The following ERBB4 variants were observed in gnomAD, a reference collection of about 807,000 sequenced individuals.
The protein encoded by ERBB4 is erb-b2 receptor tyrosine kinase 4.
A neutral mutation model predicts 158.0 loss-of-function variants in ERBB4; 42 were observed. The observed-to-expected ratio is 0.27, with a 90% CI of 0.21 to 0.34. The LOEUF (loss-of-function observed/expected upper bound fraction) is 0.34. ERBB4 is among the 10% of genes least tolerant of loss of function. The pLI, the probability that ERBB4 is intolerant of heterozygous loss-of-function variation, is 1.00. For missense variants in ERBB4, 1,333 were observed against 1,624.1 expected (o/e 0.82, Z 3.08); for synonymous variants, 583 against 558.7 (o/e 1.04, Z -0.61).
intron 5 of ERBB4, among the ~76,000 whole-genome samples, chr2:211,739,656 A>G (rs772958297): frequency 9.2e-5 from 14 of 152,182 alleles, no homozygotes; most frequent in Non-Finnish European, 1.8e-4. Flanking sequence ...GTTTTGGCAG[A>G]GACAGAGTTT....
intron 1 of ERBB4, among the ~76,000 whole-genome samples, chr2:212,375,435 C>T (rs545735337): frequency 2.0e-5 from 3 of 152,038 alleles, no homozygotes; most frequent in Non-Finnish European, 4.4e-5. Context: ...AATTGTAATG[C>T]AACAATTCTA....
chr2:211,377,729 A>T lies in ERBB4; in HGVS notation c.*5886T>A. The T allele has an allele frequency of 4.3e-6, 1 of 232,508 alleles. No individual in the cohort carries two copies. Among genetic ancestry groups the T allele is most frequent in the Middle Eastern group, 1.3e-3 (1 of 782 alleles). The allele number at this position is 232,508 out of a possible 1,614,324, so 14.4% of individuals were successfully genotyped here. Reference sequence around the variant, plus strand: ...AATAAGTTAATTTACTGGCAAAAATAACTTCTTGGTTATATGTACAGCTTT... The same window carrying T: ...AATAAGTTAATTTACTGGCAAAAATTACTTCTTGGTTATATGTACAGCTTT... On this transcript the variant is annotated 3_prime_UTR_variant, in exon 28 of 28. Transcript: ENST00000342788.
At chr2:211,544,503 C>A (rs759699968) in intron 20 of ERBB4, among the ~76,000 whole-genome samples, 2 of 151,986 alleles carry the variant, frequency 1.3e-5, no homozygotes, top group Admixed American at 6.6e-5. Flanking sequence ...TGGGCAGAAT[C>A]ATGCCTCCAT....
intron 2 of ERBB4, among the ~76,000 whole-genome samples, chr2:212,035,363 G>A (rs887113074): frequency 7.9e-5 from 12 of 152,046 alleles, no homozygotes; most frequent in Non-Finnish European, 1.3e-4. Context: ...GCTTTAGAGC[G>A]CTATGACTTT....
At chr2:212,320,824 G>A (rs1190486397) in intron 1 of ERBB4, among the ~76,000 whole-genome samples, 2 of 150,232 alleles carry the variant, frequency 1.3e-5, no homozygotes, top group African/African-American at 2.4e-5. Context: ...AGAATCAAAT[G>A]AAACAATTAC....
chr2:212,216,629 A>G (rs2083107875), intron 1 of ERBB4, among the ~76,000 whole-genome samples: 1 of 151,452 alleles, frequency 6.6e-6, no homozygotes, highest in African/African-American at 2.4e-5. Flanking sequence ...ACACAAAAAA[A>G]GAAAAAAATA....
chr2:212,478,639 A>G (rs1419832362), intron 1 of ERBB4, among the ~76,000 whole-genome samples: 1 of 152,054 alleles, frequency 6.6e-6, no homozygotes, highest in African/African-American at 2.4e-5. Context: ...CCCTGATGCC[A>G]GGAAGCCTAT....
intron 2 of ERBB4, among the ~76,000 whole-genome samples, chr2:212,006,827 G>A (rs2076270887): frequency 1.3e-5 from 2 of 152,118 alleles, no homozygotes; most frequent in Admixed American, 6.6e-5. Flanking sequence ...CATTGTCAAT[G>A]TATTTATTAA....
intron 20 of ERBB4, chr2:211,535,655 C>G (rs927441150): frequency 1.3e-5 from 2 of 151,756 alleles, no homozygotes; most frequent in Non-Finnish European, 1.5e-5. Flanking sequence ...AAAATCTGGT[C>G]TATGGCCATA....
At chr2:211,570,940 T>G (rs2067706993) in intron 19 of ERBB4, among the ~76,000 whole-genome samples, 1 of 152,106 alleles carries the variant, frequency 6.6e-6, no homozygotes, top group South Asian at 2.1e-4. Context: ...CAGCCTGCAT[T>G]GTTTTATCTC....
intron 9 of ERBB4, among the ~76,000 whole-genome samples, chr2:211,707,867 G>C (rs2073508533): frequency 6.6e-6 from 1 of 151,938 alleles, no homozygotes; most frequent in Non-Finnish European, 1.5e-5. Flanking sequence ...ATTTTGTGGA[G>C]AAACTTGTTT....
At chr2:211,982,167 G>C (rs1235687788) in intron 2 of ERBB4, among the ~76,000 whole-genome samples, 1 of 151,888 alleles carries the variant, frequency 6.6e-6, no homozygotes, top group Non-Finnish European at 1.5e-5. Flanking sequence ...CTTCAATATA[G>C]CTTTATAGAG....
At chr2:212,350,338 A>T (rs2106339289) in intron 1 of ERBB4, among the ~76,000 whole-genome samples, 1 of 152,224 alleles carries the variant, frequency 6.6e-6, no homozygotes, top group African/African-American at 2.4e-5. Flanking sequence ...TAGTTTCCTT[A>T]AGAGGAAAAA....
At chr2:211,817,164 T>C (rs1270708074) in intron 3 of ERBB4, among the ~76,000 whole-genome samples, 1 of 152,208 alleles carries the variant, frequency 6.6e-6, no homozygotes, top group Non-Finnish European at 1.5e-5. Flanking sequence ...GCTGATTATT[T>C]CTCTTAAACA....
chr2:211,676,451 T>C (rs1440989146), intron 13 of ERBB4, among the ~76,000 whole-genome samples: 2 of 152,230 alleles, frequency 1.3e-5, no homozygotes, highest in Non-Finnish European at 2.9e-5. Flanking sequence ...TTAGCTTTCA[T>C]TGTTTTTGTA....
chr2:212,144,011 T>A (rs1282931563), intron 1 of ERBB4, among the ~76,000 whole-genome samples: 1 of 148,606 alleles, frequency 6.7e-6, no homozygotes, highest in South Asian at 2.1e-4. Context: ...AGAGTGAGAC[T>A]TCATCTCAAA....
At chr2:211,832,718 T>C (rs1369295111) in intron 3 of ERBB4, among the ~76,000 whole-genome samples, 3 of 151,196 alleles carry the variant, frequency 2.0e-5, no homozygotes, top group African/African-American at 7.3e-5. Flanking sequence ...GCATGTAAAG[T>C]AAATATGTGA....
chr2:211,914,235 A>T (rs1242802918), intron 3 of ERBB4, among the ~76,000 whole-genome samples: 1 of 151,974 alleles, frequency 6.6e-6, no homozygotes, highest in East Asian at 1.9e-4. Context: ...CTTTCTATGC[A>T]AAGACTATAA....
At chr2:211,738,284 T>G (rs1395482889) in intron 5 of ERBB4, among the ~76,000 whole-genome samples, 1 of 152,144 alleles carries the variant, frequency 6.6e-6, no homozygotes, top group Non-Finnish European at 1.5e-5. Context: ...GTTCAATTCT[T>G]TTTAATTAAA....
Sources: allele counts gnomAD v4.1 joint callset (sites outside exome capture counted in the v4.1 genomes callset), GRCh38; gene constraint gnomAD v4.1.1; transcripts MANE v1.5; gene names NCBI Gene and HGNC (gene_info 2026-07-23, HGNC 2026-07-21).